The following HEATR5B variants were observed in gnomAD, a reference collection of about 807,000 sequenced individuals.
The protein encoded by HEATR5B is HEAT repeat containing 5B.
A neutral mutation model predicts 224.1 loss-of-function variants in HEATR5B; 156 were observed. The ratio of observed to expected loss-of-function variants is 0.70; its 90% CI spans 0.61 to 0.80. The LOEUF (loss-of-function observed/expected upper bound fraction) is 0.80. HEATR5B is among the 30% of genes least tolerant of loss of function. The probability of loss-of-function intolerance (pLI) is 0.00; values close to 1 mark genes in which losing one functional copy is unlikely to be tolerated. For missense variants in HEATR5B, 2,323 were observed against 2,535.5 expected, an observed-to-expected ratio of 0.92 and a Z score of 1.80; for synonymous variants, 1,027 against 893.0, an observed-to-expected ratio of 1.15 and a Z score of -2.68.
chr2:37,082,299 G>A (rs1672631933), intron 2 of HEATR5B, among the ~76,000 whole-genome samples: 1 of 151,628 alleles, frequency 6.6e-6, no homozygotes, highest in Admixed American at 6.6e-5. Context: ...AGGCTAGTCT[G>A]GAACTCCTGA....
At chr2:37,070,000 C>T (rs111957357) in intron 7 of HEATR5B, among the ~76,000 whole-genome samples, 1,699 of 150,974 alleles carry the variant, frequency 0.011, 27 homozygotes, top group African/African-American at 0.04. Flanking sequence ...CTAGTTGAAG[C>T]GATTCTCCTG....
Position 37,037,959 on chromosome 2 carries a change from G to T in HEATR5B, c.3112C>A (p.His1038Asn). 1 of 1,599,488 alleles carries T rather than the reference G, an allele frequency of 6.3e-7. No individual in the cohort carries two copies. Among genetic ancestry groups the T allele is most frequent in the Non-Finnish European group, 8.5e-7 (1 of 1,170,732 alleles). ...CLVGCAITQD[H>N]SDSLVQAAAI... ...GCTGCCTGAACAAGAGAATCTGAATGGTCTTGTGTTATTGCACAACCCACC... is the reference window on the plus strand; with the variant it reads ...GCTGCCTGAACAAGAGAATCTGAATTGTCTTGTGTTATTGCACAACCCACC... The change falls in exon 21 of 36, where the codon CAT (histidine) becomes AAT (asparagine). Residue 1038 changes from histidine to asparagine, a missense_variant. By Grantham distance (68) the His-to-Asn change is moderately conservative. Transcript: ENST00000233099.
chr2:37,037,145 G>GAGATAGATAGATATATATATATATAT lies in HEATR5B; in HGVS notation c.3216+709_3216+710insATATATATATATATATCTATCTATCT. Among the ~76,000 whole-genome samples, 21 of 89,196 alleles carry GAGATAGATAGATATATATATATATAT rather than the reference G, an allele frequency of 2.4e-4. 3 individuals carry two copies. The highest frequency in any genetic ancestry group is 7.6e-4 in the African/African-American group (20 of 26,432). The allele number at this position is 89,196 out of a possible 152,430, so 58.5% of individuals were successfully genotyped here. ...TTCCGAGTAGGAAAACTAAAAATGT[G>GAGATAGATAGATATATATATATATAT]ATATATATATATATTTTGGAGATGG... On this transcript the variant is annotated intron_variant, in intron 21 of 35. Transcript: ENST00000233099.
intron 8 of HEATR5B, 86 bp from the exon 9 acceptor site, chr2:37,065,996 A>G (rs1401251427): frequency 8.7e-7 from 1 of 1,152,244 alleles, no homozygotes; most frequent in Non-Finnish European, 1.2e-6. Flanking sequence ...GATTTTAGCC[A>G]TACCAGTTGA....
In HEATR5B at chr2:37,008,694, A is replaced by G; in HGVS notation, c.4439T>C (p.Leu1480Pro). The G allele has an allele frequency of 6.2e-7, 1 of 1,614,096 alleles. No individual in the cohort carries two copies. The highest frequency in any genetic ancestry group is 8.5e-7 in the Non-Finnish European group (1 of 1,180,014). Residue 1480 changes from leucine to proline, a missense_variant, in exon 28 of 36, where the codon CTC (leucine) becomes CCC (proline). Leu to Pro is a moderately conservative substitution (Grantham distance 98). Transcript: ENST00000233099. ...ITLVQPELPT[L>P]SRLWLAALKD... ...TAATGCTGCTAACCACAGGCGACTG[A>G]GTGTTGGTAGTTCAGGTTGTACCAG...
rs542214582 is a variant in HEATR5B at position 36,994,803 on chromosome 2, G to A, written c.5546-4004C>T. The stretch of plus-strand genomic sequence containing the variant: ...GTGTCGCTCTGTCGTCCAGGCTGGA[G>A]TGCAGTGGCGCGATCTCAGCTCACT... On this transcript the variant is annotated intron_variant, in intron 33 of 35. Transcript: ENST00000233099. Among the ~76,000 whole-genome samples, 100 of 152,034 alleles carry A rather than the reference G, an allele frequency of 6.6e-4. 4 individuals are homozygous for A. The South Asian group carries it at 0.02, about 30-fold the overall frequency.
intron 27 of HEATR5B, among the ~76,000 whole-genome samples, chr2:37,010,044 C>G (rs1197792261): frequency 1.3e-5 from 2 of 152,012 alleles, no homozygotes; most frequent in Non-Finnish European, 2.9e-5. Context: ...AGTTTGTGAG[C>G]CAAAAAGACA....
chr2:36,990,160 G>A (rs1485409503), intron 34 of HEATR5B, among the ~76,000 whole-genome samples: 2 of 152,102 alleles, frequency 1.3e-5, no homozygotes, highest in Non-Finnish European at 1.5e-5. Flanking sequence ...CTCCCTAAGT[G>A]CTGGGATTAC....
chr2:37,046,848 G>A (rs1259683662), intron 18 of HEATR5B, among the ~76,000 whole-genome samples: 4 of 151,122 alleles, frequency 2.6e-5, no homozygotes, highest in Non-Finnish European at 4.4e-5. Flanking sequence ...TCAGGAGTTC[G>A]AGACTACCCT....
chr2:37,047,376 T>C (rs540484578), intron 18 of HEATR5B, among the ~76,000 whole-genome samples: 2 of 152,336 alleles, frequency 1.3e-5, no homozygotes, highest in East Asian at 3.9e-4. Context: ...ATGCAATCTG[T>C]GAATTCTAAA....
intron 19 of HEATR5B, 43 bp downstream of exon 19, chr2:37,041,090 A>C: frequency 6.5e-7 from 1 of 1,542,604 alleles, no homozygotes; most frequent in Non-Finnish European, 8.8e-7. Flanking sequence ...TTTTCCAAAA[A>C]ATTTTCTAAA....
chr2:37,011,765 A>G (rs1190058841), intron 27 of HEATR5B, among the ~76,000 whole-genome samples: 42 of 152,230 alleles, frequency 2.8e-4, no homozygotes, highest in Admixed American at 2.7e-3. Context: ...TAGAAAGATG[A>G]AATACAGCTT....
At chr2:36,990,096 G>T (rs1558695339) in intron 34 of HEATR5B, among the ~76,000 whole-genome samples, 1 of 151,596 alleles carries the variant, frequency 6.6e-6, no homozygotes, top group East Asian at 1.9e-4. Context: ...TAGAGATGGG[G>T]TTTCACTACA....
At position 37,007,038 on chromosome 2, in the gene HEATR5B, T is replaced by C. The variant is rs756797780; in HGVS notation, c.4777+12A>G. On this transcript the variant is annotated intron_variant, in intron 29 of 35. Coordinates refer to ENST00000233099, the MANE Select transcript of HEATR5B (RefSeq NM_019024.3). ...GTGATAATCTTGAAATATATTAATA[T>C]GACAGACCTACCTAAAATCAGATGC... The C allele has an allele frequency of 2.5e-6, 4 of 1,612,022 alleles. No individual in the cohort carries two copies. Among genetic ancestry groups the C allele is most frequent in the Non-Finnish European group, 3.4e-6 (4 of 1,178,130 alleles).
intron 2 of HEATR5B, among the ~76,000 whole-genome samples, chr2:37,081,486 G>A (rs1672565714): frequency 1.3e-5 from 2 of 152,184 alleles, no homozygotes; most frequent in South Asian, 2.1e-4. Flanking sequence ...GAAACCAACT[G>A]TTCCCAACAG....
intron 35 of HEATR5B, among the ~76,000 whole-genome samples, chr2:36,987,420 C>CAA (rs369088419): frequency 0.33 from 37,441 of 112,638 alleles, 5,016 homozygotes; most frequent in Non-Finnish European, 0.36. Flanking sequence ...GACTTTGTTT[C>CAA]AAAAAAAAAA....
chr2:37,026,549 A>ATAC (rs1344127689), intron 24 of HEATR5B, among the ~76,000 whole-genome samples: 3 of 152,180 alleles, frequency 2.0e-5, no homozygotes, highest in Non-Finnish European at 4.4e-5. Context: ...GTACTCTAAC[A>ATAC]TACTACTACT....
chr2:37,021,981 T>C (rs1668491176), intron 24 of HEATR5B, among the ~76,000 whole-genome samples: 1 of 152,016 alleles, frequency 6.6e-6, no homozygotes, highest in Non-Finnish European at 1.5e-5. Context: ...TCCCTTTTTT[T>C]TTCCTTCCTG....
chr2:36,982,700 G>A (rs1665662231), intron 35 of HEATR5B, among the ~76,000 whole-genome samples: 1 of 151,846 alleles, frequency 6.6e-6, no homozygotes, highest in African/African-American at 2.4e-5. Context: ...TTCCACCCTG[G>A]ACCTTACTCC....
Sources: allele counts gnomAD v4.1 joint callset (sites outside exome capture counted in the v4.1 genomes callset), GRCh38; gene constraint gnomAD v4.1.1; transcripts MANE v1.5; gene names NCBI Gene and HGNC (gene_info 2026-07-23, HGNC 2026-07-21).